JPH3: variants seen among roughly 807,000 people sequenced by gnomAD.
JPH3 encodes junctophilin 3.
In JPH3, 11 loss-of-function variants were observed where a neutral mutation model predicts 59.6. The observed-to-expected ratio is 0.18, with a 90% CI of 0.12 to 0.31. The LOEUF (loss-of-function observed/expected upper bound fraction) is 0.31. JPH3 is among the 10% of genes least tolerant of loss of function. The pLI is 1.00. For missense variants in JPH3, 1,202 were observed against 1,105.7 expected, an observed-to-expected ratio of 1.09 and a Z score of -1.24; for synonymous variants, 673 against 483.6, an observed-to-expected ratio of 1.39 and a Z score of -5.14.
intron 1 of JPH3, among the ~76,000 whole-genome samples, chr16:87,634,956 G>T (rs1375578459): frequency 2.0e-5 from 3 of 152,264 alleles, no homozygotes; most frequent in Non-Finnish European, 1.5e-5. Flanking sequence ...CACAGTAAGA[G>T]TGCTGAGCTC....
intron 1 of JPH3, among the ~76,000 whole-genome samples, chr16:87,626,339 CAG>C (rs1366881631): frequency 6.6e-6 from 1 of 152,192 alleles, no homozygotes; most frequent in African/African-American, 2.4e-5. Context: ...TGGCTTAGCA[CAG>C]AGCCTGAGCA....
intron 2 of JPH3, among the ~76,000 whole-genome samples, chr16:87,655,376 T>A (rs1424112085): frequency 1.4e-5 from 2 of 140,966 alleles, no homozygotes; most frequent in Non-Finnish European, 3.1e-5. Context: ...TGTGACAGGG[T>A]GTTGTTCTGC....
intron 2 of JPH3, among the ~76,000 whole-genome samples, chr16:87,670,874 G>C (rs888837934): frequency 4.8e-5 from 3 of 62,408 alleles, no homozygotes; most frequent in African/African-American, 1.7e-4. Context: ...GGGACGGGAG[G>C]GGGGTCAGGA....
At chr16:87,677,706 C>T (rs1244275537) in intron 2 of JPH3, among the ~76,000 whole-genome samples, 1 of 152,236 alleles carries the variant, frequency 6.6e-6, no homozygotes, top group Non-Finnish European at 1.5e-5. Context: ...AAGGAATTGG[C>T]TGGGCTGGAA....
chr16:87,607,740 C>T (rs188421789), intron 1 of JPH3, among the ~76,000 whole-genome samples: 5 of 152,344 alleles, frequency 3.3e-5, no homozygotes, highest in Admixed American at 2.0e-4. Context: ...TATGACTATG[C>T]AACAAGTAAT....
rs141046234 is a variant in JPH3 at position 87,645,115 on chromosome 16, G to A, written c.1160+80G>A. On this transcript the variant is annotated intron_variant, in intron 2 of 4. Coordinates refer to ENST00000284262, the MANE Select transcript of JPH3 (RefSeq NM_020655.4). ...GCCCAGTCTGTTCAGTCCTGCTGTC[G>A]CTCAAGGCCTTGGGCTAGGCCCAGT... 852 of 1,420,542 alleles carry A rather than the reference G, an allele frequency of 6.0e-4. 9 individuals are homozygous for A. The East Asian group carries it at 0.013, about 22-fold the overall frequency. The allele number at this position is 1,420,542 out of a possible 1,614,324, so 88.0% of individuals were successfully genotyped here. A position where few individuals can be genotyped will look rare whatever the true frequency, so the allele number is the denominator to read the frequency against.
chr16:87,637,422 TTGTG>T (rs35239550), intron 1 of JPH3, among the ~76,000 whole-genome samples: 227 of 147,600 alleles, frequency 1.5e-3, no homozygotes, highest in African/African-American at 4.9e-3. Context: ...GTGTGTGTGT[TTGTG>T]TGTGTGTGTG....
intron 1 of JPH3, among the ~76,000 whole-genome samples, chr16:87,619,100 A>G (rs903646613): frequency 6.6e-6 from 1 of 150,604 alleles, no homozygotes; most frequent in African/African-American, 2.5e-5. Flanking sequence ...AAAAAAAAAA[A>G]AGGGGGGGCA....
intron 3 of JPH3, among the ~76,000 whole-genome samples, chr16:87,687,457 G>A (rs1033385506): frequency 5.3e-5 from 8 of 152,162 alleles, no homozygotes; most frequent in Non-Finnish European, 8.8e-5. Context: ...CTCCCAGCCC[G>A]AGAACTCTGA....
chr16:87,602,963 T>G lies in JPH3; in HGVS notation c.-184T>G. 2 of 559,548 alleles carry G rather than the reference T, an allele frequency of 3.6e-6. No homozygotes were observed. Among genetic ancestry groups the G allele is most frequent in the East Asian group, 3.5e-5 (1 of 28,620 alleles). 34.7% of individuals were successfully genotyped at this position (559,548 alleles called of 1,614,324 possible). A position where few individuals can be genotyped will look rare whatever the true frequency, so the allele number is the denominator to read the frequency against. ...CTCGAAAAGGAATAATCGCCCCCGA[T>G]TGACTGAAATTCCTCCGGAGCCGGC... is the stretch of plus-strand genomic sequence containing the variant. On this transcript the variant is annotated 5_prime_UTR_variant, in exon 1 of 5. Transcript: ENST00000284262.
chr16:87,682,247 A>G (rs1013254099), intron 2 of JPH3, among the ~76,000 whole-genome samples: 1 of 152,072 alleles, frequency 6.6e-6, no homozygotes, highest in Non-Finnish European at 1.5e-5. Context: ...AATTGTTCCT[A>G]GTTAGCACAG....
chr16:87,661,666 C>T lies in JPH3; in HGVS notation c.1160+16631C>T, dbSNP rs1407224954. On this transcript the variant is annotated intron_variant, in intron 2 of 4. Transcript: ENST00000284262. ...CCATGTCTGCTCAGAGACGAAGAGT[C>T]ACGGGACAGCCCTGTCCAAGAGCAA... is the stretch of plus-strand genomic sequence containing the variant. Among the ~76,000 whole-genome samples, 8 of 152,364 alleles carry T rather than the reference C, an allele frequency of 5.3e-5. No individual in the cohort carries two copies. In the South Asian group the frequency reaches 1.4e-3, roughly 28 times the overall value.
intron 1 of JPH3, among the ~76,000 whole-genome samples, chr16:87,625,903 T>A (rs985047174): frequency 2.0e-5 from 3 of 152,184 alleles, no homozygotes; most frequent in Admixed American, 2.0e-4. Context: ...CCTGCCAACC[T>A]TCATTCAACC....
chr16:87,655,466 A>C lies in JPH3; in HGVS notation c.1160+10431A>C, dbSNP rs533686120. On this transcript the variant is annotated intron_variant, in intron 2 of 4. Transcript: ENST00000284262. ...TCTCCTGAGCTCAAACGATCCTCCC[A>C]CCTCAGCCTCCTGAGTAGCTGGGAC... is the stretch of plus-strand genomic sequence containing the variant. 8.5e-5 allele frequency among the ~76,000 whole-genome samples: 13 copies of C among 152,158 alleles called. No individual in the cohort carries two copies. The East Asian group carries it at 2.3e-3, about 27-fold the overall frequency.
chr16:87,671,077 T>G (rs2033002465), intron 2 of JPH3, among the ~76,000 whole-genome samples: 1 of 151,558 alleles, frequency 6.6e-6, no homozygotes, highest in African/African-American at 2.4e-5. Flanking sequence ...GCACCCGGAG[T>G]TTAACACTGA....
chr16:87,639,351 C>G (rs1414565172), intron 1 of JPH3, among the ~76,000 whole-genome samples: 3 of 152,176 alleles, frequency 2.0e-5, no homozygotes, highest in African/African-American at 7.2e-5. Context: ...ACCCCAGAGC[C>G]TTCCGCACCT....
intron 1 of JPH3, among the ~76,000 whole-genome samples, chr16:87,641,537 C>T (rs1018612603): frequency 7.9e-5 from 12 of 152,312 alleles, no homozygotes; most frequent in Admixed American, 1.3e-4. Flanking sequence ...CATTCGGCCC[C>T]GTCCTCTGCT....
intron 2 of JPH3, among the ~76,000 whole-genome samples, chr16:87,669,064 A>G (rs1609432): frequency 0.67 from 102,359 of 152,098 alleles, 35,205 homozygotes; most frequent in African/African-American, 0.83. Flanking sequence ...TCGCCGCTGC[A>G]TCTCCCGGTG....
chr16:87,633,848 C>G (rs2031644343), intron 1 of JPH3, among the ~76,000 whole-genome samples: 1 of 152,054 alleles, frequency 6.6e-6, no homozygotes, highest in Admixed American at 6.5e-5. Context: ...GGGACATGGT[C>G]TCTCTTATAG....
Sources: gnomAD v4.1 joint callset for allele counts (sites outside exome capture counted in the v4.1 genomes callset) on GRCh38, gnomAD v4.1.1 for gene constraint, MANE v1.5 for transcripts, NCBI Gene and HGNC (gene_info 2026-07-23, HGNC 2026-07-21) for gene names.